The following MYO18A variants were observed in gnomAD, a reference collection of about 807,000 sequenced individuals.
MYO18A encodes the protein myosin XVIIIA.
A neutral mutation model predicts 235.8 loss-of-function variants in MYO18A; 78 were observed. The ratio of observed to expected loss-of-function variants is 0.33; its 90% confidence interval spans 0.28 to 0.40. The LOEUF (loss-of-function observed/expected upper bound fraction) is 0.40, where lower values mean the gene tolerates loss of function less well. Among genes scored for constraint, MYO18A ranks in the 10% least tolerant of loss-of-function variants. The pLI is 1.00. For missense variants in MYO18A, 2,215 were observed against 2,699.3 expected (o/e 0.82, Z 3.98); for synonymous variants, 977 against 1,077.8 (o/e 0.91, Z 1.83).
intron 20 of MYO18A, among the ~76,000 whole-genome samples, chr17:29,104,253 C>T (rs919246524): frequency 3.9e-5 from 6 of 152,038 alleles, no homozygotes; most frequent in African/African-American, 1.2e-4. Flanking sequence ...GGAGACCCAC[C>T]CCACTTAGGC....
chr17:29,086,887 C>G (rs763831390), intron 38 of MYO18A, 49 bp downstream of exon 38: 1 of 1,557,418 alleles, frequency 6.4e-7, no homozygotes, highest in Non-Finnish European at 8.7e-7. Flanking sequence ...CACTCAGCAG[C>G]TACTCAAGGG....
At chr17:29,098,470 G>A (rs761374541) in intron 23 of MYO18A, 25 bp from the exon 24 acceptor site, 1 of 1,612,990 alleles carries the variant, frequency 6.2e-7, no homozygotes, top group African/African-American at 1.3e-5. Flanking sequence ...AGAGGGCAAA[G>A]TGAGCCAAAG....
chr17:29,161,869 A>G (rs1483918891), intron 2 of MYO18A, among the ~76,000 whole-genome samples: 3 of 152,200 alleles, frequency 2.0e-5, no homozygotes, highest in Non-Finnish European at 4.4e-5. Flanking sequence ...CAACTTTACC[A>G]ACATCTCCCC....
At chr17:29,137,283 G>C (rs1320084353) in intron 2 of MYO18A, among the ~76,000 whole-genome samples, 1 of 152,208 alleles carries the variant, frequency 6.6e-6, no homozygotes, top group Non-Finnish European at 1.5e-5. Flanking sequence ...AGCTGCACGA[G>C]AGTGCTGGGA....
rs1261558817 is a variant in MYO18A, at chr17:29,090,114, A to G, written c.5389-16T>C. On this transcript the variant is annotated splice_polypyrimidine_tract_variant and intron_variant, in intron 36 of 41. Coordinates refer to ENST00000527372, the MANE Select transcript of MYO18A (RefSeq NM_078471.4). ...GGGCTTGTAGCTAGAGGTGGGGGACAGGAAGAGAAGAAAGAACTGAGCCCA... is the reference window on the plus strand; with the variant it reads ...GGGCTTGTAGCTAGAGGTGGGGGACGGGAAGAGAAGAAAGAACTGAGCCCA... 5 of 1,607,396 alleles carry G rather than the reference A, an allele frequency of 3.1e-6. No individual in the cohort carries two copies. Among genetic ancestry groups the G allele is most frequent in the Non-Finnish European group, 4.2e-6 (5 of 1,176,820 alleles).
chr17:29,161,812 T>A (rs1598392555), intron 2 of MYO18A, among the ~76,000 whole-genome samples: 1 of 152,200 alleles, frequency 6.6e-6, no homozygotes, highest in Non-Finnish European at 1.5e-5. Context: ...TCCGGACTTA[T>A]GGAAGTGGAG....
rs114171220 is a variant in MYO18A at position 29,157,639 on chromosome 17, T to C, written c.999+8303A>G. 4.0e-3 allele frequency among the ~76,000 whole-genome samples: 612 copies of C among 152,348 alleles called. 3 individuals are homozygous for C. The highest frequency in any genetic ancestry group is 0.014 in the African/African-American group (574 of 41,576). On this transcript the variant is annotated intron_variant, in intron 2 of 41. Coordinates refer to ENST00000527372, the MANE Select transcript of MYO18A (RefSeq NM_078471.4). ...ACTTTAAAACAGATTGTTATGATCCTTCAAAGGGTTGTTGAGAAAATTAAA... is the reference window on the plus strand; with the variant it reads ...ACTTTAAAACAGATTGTTATGATCCCTCAAAGGGTTGTTGAGAAAATTAAA...
chr17:29,178,263 C>T (rs1182883107), intron 1 of MYO18A, among the ~76,000 whole-genome samples: 1 of 152,178 alleles, frequency 6.6e-6, no homozygotes, highest in Non-Finnish European at 1.5e-5. Flanking sequence ...CTCAGGCACA[C>T]ACTCTGGCAC....
intron 2 of MYO18A, chr17:29,129,075 C>T: frequency 7.8e-7 from 1 of 1,289,434 alleles, no homozygotes; most frequent in Non-Finnish European, 1.0e-6. Flanking sequence ...CTTGGTCCTT[C>T]CATCACCTGT....
intron 10 of MYO18A, 78 bp from the exon 11 acceptor site, chr17:29,116,533 C>T (rs2067065861): frequency 1.3e-6 from 2 of 1,580,500 alleles, no homozygotes; most frequent in Non-Finnish European, 1.7e-6. Context: ...GAGCTCGCCG[C>T]CTCGGAGGGA....
chr17:29,084,629 G>C (rs994375477), intron 40 of MYO18A, among the ~76,000 whole-genome samples: 1 of 152,120 alleles, frequency 6.6e-6, no homozygotes, highest in Non-Finnish European at 1.5e-5. Flanking sequence ...AACGGCGGGG[G>C]ATATTAATTG....
Position 29,074,556 on chromosome 17 carries a change from G to T in MYO18A, c.*214C>A. The T allele has an allele frequency of 1.7e-6, 1 of 605,790 alleles. No homozygotes were observed. Among genetic ancestry groups the T allele is most frequent in the South Asian group, 2.3e-5 (1 of 43,346 alleles). The allele number at this position is 605,790 out of a possible 1,614,324, so 37.5% of individuals were successfully genotyped here. On this transcript the variant is annotated 3_prime_UTR_variant, in exon 42 of 42. Coordinates refer to ENST00000527372, the MANE Select transcript of MYO18A (RefSeq NM_078471.4). This position sits in a 1 kb window ranked among gnomAD's most constrained non-coding sequence, Gnocchi z 4.4. The stretch of plus-strand genomic sequence containing the variant: ...GCATTTTGAGACAGAGGAGCAAAAA[G>T]TTCTCTTCAGAAACTCCTCTTTCCC...
chr17:29,118,007 G>A lies in MYO18A; in HGVS notation c.2038+38C>T. ...GGCAGGGTCCCTGTGAGGTCACCCA[G>A]GGGACAGGCCAGCCTACTGGGACCC... is the stretch of plus-strand genomic sequence containing the variant. On this transcript the variant is annotated intron_variant, in intron 10 of 41. Transcript: ENST00000527372. The surrounding 1 kb of genome is among the most constrained non-coding windows in gnomAD (Gnocchi z 4.2). The A allele has an allele frequency of 1.3e-6, 2 of 1,558,088 alleles. No homozygotes were observed. The highest frequency in any genetic ancestry group is 1.7e-6 in the Non-Finnish European group (2 of 1,151,388).
intron 2 of MYO18A, among the ~76,000 whole-genome samples, chr17:29,136,805 T>C (rs1315088191): frequency 1.3e-5 from 2 of 152,206 alleles, no homozygotes; most frequent in African/African-American, 2.4e-5. Context: ...GTTGATAAAC[T>C]TCATCGGCGT....
rs1358224744 is a variant in MYO18A at position 29,106,141 on chromosome 17, TG to T, written c.3441+938del. On this transcript the variant is annotated intron_variant, in intron 20 of 41. Transcript: ENST00000527372. This position sits in a 1 kb window ranked among gnomAD's most constrained non-coding sequence, Gnocchi z 4.6. Reference sequence around the variant, plus strand: ...AGGCTGTGGTCAGAGAAGGCCATGCTGGGATTTATGATTTTGGAGCTGGGGC... The same window carrying T: ...AGGCTGTGGTCAGAGAAGGCCATGCTGGATTTATGATTTTGGAGCTGGGGC... 6.6e-6 allele frequency among the ~76,000 whole-genome samples: 1 copy of T among 152,066 alleles called. No individual in the cohort carries two copies. Among genetic ancestry groups the T allele is most frequent in the Non-Finnish European group, 1.5e-5 (1 of 68,002 alleles).
chr17:29,128,863 T>C (rs905373956), intron 2 of MYO18A, among the ~76,000 whole-genome samples: 1 of 152,160 alleles, frequency 6.6e-6, no homozygotes, highest in Admixed American at 6.5e-5. Context: ...GCCTATGAGG[T>C]GCTCTGGGGT....
intron 1 of MYO18A, among the ~76,000 whole-genome samples, chr17:29,170,729 C>G (rs2068382674): frequency 6.6e-6 from 1 of 152,116 alleles, no homozygotes; most frequent in Non-Finnish European, 1.5e-5. Context: ...TCCCCAAAAA[C>G]AAAAAGAAAG....
At position 29,111,624 on chromosome 17, in the gene MYO18A, G is replaced by A. The variant is rs191560; in HGVS notation, c.2741-41C>T. 1 of 1,612,628 alleles carries A rather than the reference G, an allele frequency of 6.2e-7. No individual in the cohort carries two copies. Among genetic ancestry groups the A allele is most frequent in the Non-Finnish European group, 8.5e-7 (1 of 1,178,940 alleles). ...GCAAGATTTAGGTCGTCAGGGTACA[G>A]GCACAAAGTGACCCCCGCCCCCTCC... On this transcript the variant is annotated intron_variant, in intron 16 of 41. Transcript: ENST00000527372. The surrounding 1 kb of genome is among the most constrained non-coding windows in gnomAD (Gnocchi z 5.1).
At chr17:29,093,542 A>G (rs770515610) in intron 31 of MYO18A, 115 bp from the exon 32 acceptor site, 239 of 764,978 alleles carry the variant, frequency 3.1e-4, no homozygotes, top group Non-Finnish European at 4.4e-4. Flanking sequence ...CCTGAGCACA[A>G]TGATGTTGGT....
Sources: allele counts gnomAD v4.1 joint callset (sites outside exome capture counted in the v4.1 genomes callset), GRCh38; gene constraint gnomAD v4.1.1; non-coding constraint Gnocchi (gnomAD v3.1); transcripts MANE v1.5; gene names NCBI Gene and HGNC (gene_info 2026-07-23, HGNC 2026-07-21).